The following NCK2 variants were observed in gnomAD, a reference collection of about 807,000 sequenced individuals.
NCK2 encodes NCK adaptor protein 2.
NCK2 carries 16 observed loss-of-function variants against 33.9 expected under a neutral mutation model. That is an observed-to-expected ratio of 0.47 (90% CI 0.32 to 0.72). The LOEUF is 0.72. Ranked by LOEUF, NCK2 falls within the 30% of genes least tolerant of loss-of-function variation. NCK2 has a pLI of 0.03. For synonymous variants in NCK2, 273 were observed against 239.9 expected (o/e 1.14, Z -1.27); for missense variants, 418 against 537.3 (o/e 0.78, Z 2.19).
intron 1 of NCK2, among the ~76,000 whole-genome samples, chr2:105,777,873 A>G: frequency 6.6e-6 from 1 of 152,202 alleles, no homozygotes; most frequent in East Asian, 1.9e-4. Context: ...GAGGATCGGT[A>G]CTGGGGTGAC....
chr2:105,849,413 A>G (rs1319727912), intron 2 of NCK2, among the ~76,000 whole-genome samples: 1 of 152,098 alleles, frequency 6.6e-6, no homozygotes, highest in Non-Finnish European at 1.5e-5. Context: ...GGAGGGAGGG[A>G]AGACTCTGGT....
intron 1 of NCK2, among the ~76,000 whole-genome samples, chr2:105,795,953 C>T (rs1470665291): frequency 2.0e-5 from 3 of 152,130 alleles, no homozygotes; most frequent in Non-Finnish European, 2.9e-5. Flanking sequence ...AACACATCAA[C>T]GATATATTCT....
At chr2:105,841,026 A>G (rs1394174223) in intron 2 of NCK2, among the ~76,000 whole-genome samples, 2 of 152,190 alleles carry the variant, frequency 1.3e-5, no homozygotes, top group Non-Finnish European at 2.9e-5. Context: ...CTACCTTCTA[A>G]TTCTCCACAC....
chr2:105,812,407 C>A (rs1331257311), intron 1 of NCK2, among the ~76,000 whole-genome samples: 1 of 152,184 alleles, frequency 6.6e-6, no homozygotes, highest in Non-Finnish European at 1.5e-5. Flanking sequence ...CAGCCTTTTC[C>A]CACTTGAATA....
intron 3 of NCK2, among the ~76,000 whole-genome samples, chr2:105,868,978 G>T (rs1677875126): frequency 6.6e-6 from 1 of 152,182 alleles, no homozygotes; most frequent in South Asian, 2.1e-4. Flanking sequence ...CCAAAGCACG[G>T]AACAGGTGGA....
At chr2:105,837,904 C>A (rs1008700408) in intron 2 of NCK2, among the ~76,000 whole-genome samples, 1 of 152,162 alleles carries the variant, frequency 6.6e-6, no homozygotes, top group African/African-American at 2.4e-5. Flanking sequence ...TTGCCTGCTG[C>A]CTAATTGAGT....
intron 2 of NCK2, among the ~76,000 whole-genome samples, chr2:105,827,503 ATAT>A (rs1242982333): frequency 1.3e-5 from 2 of 152,222 alleles, no homozygotes; most frequent in African/African-American, 4.8e-5. Flanking sequence ...CCATCAATTA[ATAT>A]TATCTAATTG....
intron 2 of NCK2, among the ~76,000 whole-genome samples, chr2:105,826,720 G>A (rs1675958919): frequency 6.6e-6 from 1 of 151,936 alleles, no homozygotes; most frequent in African/African-American, 2.4e-5. Context: ...CCAAGTTCTG[G>A]CCAAGTAAGT....
chr2:105,781,302 G>T lies in NCK2; in HGVS notation c.-200-35128G>T, dbSNP rs918262101. ...GGAGCCGTGCACTTTTTACACCTCT[G>T]TGCCTTTGCAGGTCCTGTTGCTGAC... is the stretch of plus-strand genomic sequence containing the variant. On this transcript the variant is annotated intron_variant, in intron 1 of 4. Coordinates refer to ENST00000233154, the MANE Select transcript of NCK2 (RefSeq NM_003581.5). 6.1e-5 allele frequency among the ~76,000 whole-genome samples: 9 copies of T among 146,908 alleles called. No individual in the cohort carries two copies. In the East Asian group the frequency reaches 1.7e-3, roughly 29 times the overall value.
At chr2:105,822,360 G>T (rs1413860524) in intron 2 of NCK2, among the ~76,000 whole-genome samples, 1 of 150,242 alleles carries the variant, frequency 6.7e-6, no homozygotes, top group Non-Finnish European at 1.5e-5. Context: ...GAGTCGCCTT[G>T]TGTTGGGGAT....
At chr2:105,771,816 A>G (rs1179150510) in intron 1 of NCK2, among the ~76,000 whole-genome samples, 27 of 152,048 alleles carry the variant, frequency 1.8e-4, no homozygotes, top group Admixed American at 1.8e-3. Flanking sequence ...TGAAGTAAAA[A>G]CCCTCTGGTG....
intron 2 of NCK2, among the ~76,000 whole-genome samples, 152 bp downstream of exon 2, chr2:105,816,765 A>G (rs1675504826): frequency 6.6e-6 from 1 of 152,132 alleles, no homozygotes; most frequent in Non-Finnish European, 1.5e-5. Flanking sequence ...AGAAAATTAG[A>G]TTATCTCTGT....
chr2:105,849,071 C>T (rs924470889), intron 2 of NCK2, among the ~76,000 whole-genome samples: 2 of 152,044 alleles, frequency 1.3e-5, no homozygotes, highest in Non-Finnish European at 2.9e-5. Flanking sequence ...TGTCTCCCTG[C>T]GTATATTTTG....
intron 1 of NCK2, among the ~76,000 whole-genome samples, chr2:105,758,413 G>GTTTTTTTTTTTT (rs574939583): frequency 2.3e-5 from 3 of 132,532 alleles, no homozygotes; most frequent in Non-Finnish European, 4.8e-5. Context: ...TGTTGTTTTT[G>GTTTTTTTTTTTT]TTTTTTTTTT....
intron 3 of NCK2, among the ~76,000 whole-genome samples, chr2:105,859,050 C>T (rs1251652289): frequency 1.3e-5 from 2 of 152,180 alleles, no homozygotes; most frequent in African/African-American, 2.4e-5. Flanking sequence ...CGGTCCTGGG[C>T]TGAGGTCTGG....
At chr2:105,751,019 C>T (rs565176133) in intron 1 of NCK2, among the ~76,000 whole-genome samples, 33 of 152,276 alleles carry the variant, frequency 2.2e-4, no homozygotes, top group Non-Finnish European at 3.5e-4. Context: ...GGCCATTTTG[C>T]CTTGTTCAGA....
chr2:105,802,961 G>A (rs1470993959), intron 1 of NCK2, among the ~76,000 whole-genome samples: 1 of 151,976 alleles, frequency 6.6e-6, no homozygotes, highest in Non-Finnish European at 1.5e-5. Flanking sequence ...GTGCTAGCAG[G>A]GGTTCAGTAA....
At chr2:105,841,892 T>A (rs1449911417) in intron 2 of NCK2, among the ~76,000 whole-genome samples, 2 of 152,140 alleles carry the variant, frequency 1.3e-5, no homozygotes, top group South Asian at 2.1e-4. Flanking sequence ...TAATAGACCC[T>A]TCAGAGAGGG....
At chr2:105,814,648 C>A (rs372642089) in intron 1 of NCK2, among the ~76,000 whole-genome samples, 1 of 152,156 alleles carries the variant, frequency 6.6e-6, no homozygotes, top group Non-Finnish European at 1.5e-5. Flanking sequence ...CCCACTCATC[C>A]GGAGTCCAAG....
Sources: allele counts gnomAD v4.1 joint callset (sites outside exome capture counted in the v4.1 genomes callset), GRCh38; gene constraint gnomAD v4.1.1; transcripts MANE v1.5; gene names NCBI Gene and HGNC (gene_info 2026-07-23, HGNC 2026-07-21).